The following SERGEF variants were observed in gnomAD, a reference collection of about 807,000 sequenced individuals.
SERGEF encodes the protein secretion-regulating guanine nucleotide exchange factor.
In SERGEF, 51 loss-of-function variants were observed where a neutral mutation model predicts 50.0. The observed-to-expected ratio is 1.02, with a 90% confidence interval of 0.81 to 1.29. The LOEUF is 1.29. Ranked by LOEUF, SERGEF falls within the 50% of genes most tolerant of loss-of-function variation. The pLI is 0.00. For synonymous variants in SERGEF, 205 were observed against 212.4 expected, an observed-to-expected ratio of 0.97 and a Z score of 0.30; for missense variants, 521 against 557.0, an observed-to-expected ratio of 0.94 and a Z score of 0.65.
intron 1 of SERGEF, among the ~76,000 whole-genome samples, chr11:18,009,206 T>C (rs967900493): frequency 6.6e-6 from 1 of 152,192 alleles, no homozygotes; most frequent in African/African-American, 2.4e-5. Context: ...GGAAATGACC[T>C]GTTAGGCTCA....
chr11:17,943,471 T>C (rs1441146475), intron 9 of SERGEF, among the ~76,000 whole-genome samples: 1 of 152,222 alleles, frequency 6.6e-6, no homozygotes, highest in Non-Finnish European at 1.5e-5. Flanking sequence ...TTTTTCCTGA[T>C]AGTCCAGGTA....
At chr11:17,790,430 A>T (rs919430600) in intron 10 of SERGEF, among the ~76,000 whole-genome samples, 4 of 151,962 alleles carry the variant, frequency 2.6e-5, no homozygotes, top group Non-Finnish European at 5.9e-5. Context: ...CAGTTATTTT[A>T]ATTTTAACTG....
rs149713316 is a variant in SERGEF at position 18,004,527 on chromosome 11, G to A, written c.361C>T (p.Gln121Ter). 3.1e-4 allele frequency: 493 copies of A among 1,611,182 alleles called. 1 individual carries two copies. The highest frequency in any genetic ancestry group is 4.1e-4 in the South Asian group (37 of 90,538). The change falls in exon 4 of 11, where the codon CAA (glutamine) becomes TAA (stop). Residue 121 changes from glutamine to a stop codon, truncating the protein, a stop_gained. Transcript: ENST00000265965. LOFTEE classifies it high-confidence loss of function. ...DFTIMLTENGQVLSCGSNSFG... is the reference protein window; with the variant it reads ...DFTIMLTENG ...GAGTTGGATCCACATGATAGAACTT[G>A]ACCATTTTCTGCAAAATACAAATAC...
intron 9 of SERGEF, among the ~76,000 whole-genome samples, chr11:17,909,119 G>A (rs1008789919): frequency 4.6e-5 from 7 of 152,186 alleles, no homozygotes; most frequent in African/African-American, 1.2e-4. Flanking sequence ...AAAGAGGACC[G>A]GTTTTGGAGT....
intron 9 of SERGEF, among the ~76,000 whole-genome samples, chr11:17,912,436 C>T (rs941651719): frequency 5.9e-5 from 9 of 152,190 alleles, no homozygotes; most frequent in African/African-American, 2.2e-4. Context: ...TGATATGATA[C>T]GACAGTTACA....
intron 10 of SERGEF, among the ~76,000 whole-genome samples, chr11:17,824,710 A>G (rs1000946580): frequency 6.6e-6 from 1 of 152,200 alleles, no homozygotes; most frequent in Non-Finnish European, 1.5e-5. Context: ...TTTCCTCTGC[A>G]TGTAAAGGGA....
intron 9 of SERGEF, among the ~76,000 whole-genome samples, chr11:17,932,180 A>G (rs1230003588): frequency 6.6e-6 from 1 of 152,220 alleles, no homozygotes; most frequent in Non-Finnish European, 1.5e-5. Context: ...AAAAAGAAAG[A>G]AAGAAAGAAA....
chr11:17,915,481 T>C (rs144510042), intron 9 of SERGEF, among the ~76,000 whole-genome samples: 1 of 152,308 alleles, frequency 6.6e-6, no homozygotes, highest in African/African-American at 2.4e-5. Context: ...CCCTAGTTCT[T>C]CTGACTCTTG....
chr11:17,835,597 C>CT (rs1328698714), intron 10 of SERGEF, among the ~76,000 whole-genome samples: 2 of 152,198 alleles, frequency 1.3e-5, no homozygotes, highest in African/African-American at 4.8e-5. Context: ...ATTTTCCTAT[C>CT]TCCCTCATGC....
intron 10 of SERGEF, among the ~76,000 whole-genome samples, chr11:17,796,328 G>A (rs923808463): frequency 6.6e-6 from 1 of 152,146 alleles, no homozygotes; most frequent in South Asian, 2.1e-4. Context: ...TCAGTGTTGG[G>A]CCCTGCTATG....
At chr11:17,978,109 C>T (rs931598893) in intron 8 of SERGEF, among the ~76,000 whole-genome samples, 2 of 152,110 alleles carry the variant, frequency 1.3e-5, no homozygotes, top group African/African-American at 4.8e-5. Context: ...AGCCACTTAG[C>T]CTCTCTGAGC....
At chr11:17,812,624 T>C (rs1467972343) in intron 10 of SERGEF, among the ~76,000 whole-genome samples, 1 of 152,212 alleles carries the variant, frequency 6.6e-6, no homozygotes, top group Non-Finnish European at 1.5e-5. Flanking sequence ...TGCTTCATCC[T>C]TCAGGGCTCA....
intron 8 of SERGEF, among the ~76,000 whole-genome samples, chr11:17,979,469 T>C (rs1404806422): frequency 6.6e-6 from 1 of 152,146 alleles, no homozygotes; most frequent in Non-Finnish European, 1.5e-5. Flanking sequence ...GACCACCAAA[T>C]AGTGGGGAAG....
At chr11:17,970,758 A>G (rs972398123) in intron 8 of SERGEF, among the ~76,000 whole-genome samples, 7 of 152,160 alleles carry the variant, frequency 4.6e-5, no homozygotes, top group African/African-American at 1.7e-4. Flanking sequence ...AAAGGGTGAA[A>G]CCAGCCACAA....
At chr11:17,940,184 C>A (rs923315538) in intron 9 of SERGEF, among the ~76,000 whole-genome samples, 1 of 152,042 alleles carries the variant, frequency 6.6e-6, no homozygotes, top group Non-Finnish European at 1.5e-5. Flanking sequence ...TAGAATAGCA[C>A]GTTTCAGACC....
chr11:17,952,483 C>T (rs947290345), intron 9 of SERGEF, among the ~76,000 whole-genome samples: 1 of 152,148 alleles, frequency 6.6e-6, no homozygotes, highest in Non-Finnish European at 1.5e-5. Flanking sequence ...AATCCTCTCT[C>T]TCATCTTCTT....
intron 1 of SERGEF, among the ~76,000 whole-genome samples, chr11:18,011,662 A>T (rs1242344432): frequency 1.3e-5 from 2 of 152,270 alleles, no homozygotes; most frequent in Non-Finnish European, 2.9e-5. Flanking sequence ...GAAGGGTGTC[A>T]ACAACCTATT....
intron 9 of SERGEF, among the ~76,000 whole-genome samples, chr11:17,912,261 G>T (rs187370551): frequency 6.6e-6 from 1 of 152,274 alleles, no homozygotes; most frequent in Non-Finnish European, 1.5e-5. Context: ...AAAGTTAGAT[G>T]CCAGAGAAAA....
chr11:17,848,546 T>TC (rs1405210137), intron 10 of SERGEF, among the ~76,000 whole-genome samples: 2 of 152,158 alleles, frequency 1.3e-5, no homozygotes, highest in African/African-American at 4.8e-5. Flanking sequence ...AAAGTATATT[T>TC]CCCAGTATAT....
Sources: gnomAD v4.1 joint callset for allele counts (sites outside exome capture counted in the v4.1 genomes callset) on GRCh38, gnomAD v4.1.1 for gene constraint, MANE v1.5 for transcripts, NCBI Gene and HGNC (gene_info 2026-07-23, HGNC 2026-07-21) for gene names.